The following RAD51B variants were observed in gnomAD, a reference collection of about 807,000 sequenced individuals.
RAD51B encodes the protein RAD51 paralog B.
RAD51B carries 38 observed loss-of-function variants against 42.2 expected under a neutral mutation model. That is an observed-to-expected ratio of 0.90 (90% CI 0.70 to 1.18). The LOEUF is 1.18. Among genes scored for constraint, RAD51B ranks in the 50% most tolerant of loss-of-function variants. RAD51B has a pLI of 0.00. For synonymous variants in RAD51B, 154 were observed against 145.2 expected (o/e 1.06, Z -0.43); for missense variants, 373 against 400.7 (o/e 0.93, Z 0.59).
chr14:67,922,888 C>T (rs777945947), intron 7 of RAD51B, among the ~76,000 whole-genome samples: 60 of 152,170 alleles, frequency 3.9e-4, no homozygotes, highest in Non-Finnish European at 7.4e-4. Context: ...GACGAGGTTT[C>T]GCCATGTTGG....
chr14:68,607,907 AAAG>A (rs1358772276), intron 10 of RAD51B, among the ~76,000 whole-genome samples: 2 of 152,214 alleles, frequency 1.3e-5, no homozygotes, highest in Non-Finnish European at 2.9e-5. Context: ...CCTCCAGAGG[AAAG>A]AAGAGCCAGG....
chr14:67,857,014 T>C (rs2042017755), intron 4 of RAD51B, among the ~76,000 whole-genome samples: 1 of 152,216 alleles, frequency 6.6e-6, no homozygotes, highest in African/African-American at 2.4e-5. Flanking sequence ...GCATGTTTTC[T>C]CTTTCTAACC....
chr14:68,323,114 G>A (rs899736698), intron 8 of RAD51B, among the ~76,000 whole-genome samples: 1 of 152,108 alleles, frequency 6.6e-6, no homozygotes, highest in African/African-American at 2.4e-5. Flanking sequence ...GAGAACACAG[G>A]GACAAAATAA....
intron 7 of RAD51B, among the ~76,000 whole-genome samples, chr14:68,011,966 G>A (rs1281013936): frequency 1.3e-5 from 2 of 152,062 alleles, no homozygotes; most frequent in East Asian, 1.9e-4. Context: ...CAATCACACT[G>A]GGCTGTCATG....
intron 7 of RAD51B, among the ~76,000 whole-genome samples, chr14:68,180,347 AGTTGTGGTTTGG>A (rs1251402752): frequency 6.6e-6 from 1 of 152,122 alleles, no homozygotes; most frequent in Non-Finnish European, 1.5e-5. Context: ...TGTTCTAGCT[AGTTGTGGTTTGG>A]GAGTAGGAGG....
At chr14:68,044,417 A>G (rs762936196) in intron 7 of RAD51B, among the ~76,000 whole-genome samples, 3 of 152,106 alleles carry the variant, frequency 2.0e-5, no homozygotes, top group Non-Finnish European at 4.4e-5. Flanking sequence ...CTTGTTCCCC[A>G]TGTTCTTCAA....
chr14:68,426,163 G>T (rs535087583), intron 9 of RAD51B, among the ~76,000 whole-genome samples: 1 of 151,750 alleles, frequency 6.6e-6, no homozygotes, highest in Admixed American at 6.6e-5. Flanking sequence ...CCGCCTCCCA[G>T]GCTCAAGCAA....
intron 7 of RAD51B, among the ~76,000 whole-genome samples, chr14:68,152,695 T>A (rs1452978023): frequency 6.6e-6 from 1 of 151,150 alleles, no homozygotes; most frequent in Non-Finnish European, 1.5e-5. Flanking sequence ...ATTATTTCAT[T>A]ACCTAGGTAC....
At chr14:68,586,417 C>A (rs537765717) in intron 10 of RAD51B, among the ~76,000 whole-genome samples, 68 of 152,328 alleles carry the variant, frequency 4.5e-4, no homozygotes, top group African/African-American at 1.6e-3. Flanking sequence ...TTGTGCCGAT[C>A]GGTTCCAGAT....
chr14:68,232,692 TTGGTC>T (rs1468261957), intron 7 of RAD51B, among the ~76,000 whole-genome samples: 2 of 152,208 alleles, frequency 1.3e-5, no homozygotes, highest in Non-Finnish European at 2.9e-5. Flanking sequence ...AATCACCAGC[TTGGTC>T]TGGTCTGTCT....
intron 7 of RAD51B, among the ~76,000 whole-genome samples, chr14:68,044,006 G>T (rs563027490): frequency 1.3e-5 from 2 of 152,234 alleles, no homozygotes; most frequent in South Asian, 2.1e-4. Flanking sequence ...GCTAAATATG[G>T]TACCCAACAT....
intron 8 of RAD51B, among the ~76,000 whole-genome samples, chr14:68,356,733 G>A (rs1399871791): frequency 4.6e-5 from 7 of 151,950 alleles, no homozygotes; most frequent in Non-Finnish European, 8.8e-5. Flanking sequence ...TGTAATCCCA[G>A]CACTTTGGGA....
intron 8 of RAD51B, among the ~76,000 whole-genome samples, chr14:68,336,873 A>C (rs1401832336): frequency 1.3e-5 from 2 of 152,216 alleles, no homozygotes; most frequent in African/African-American, 4.8e-5. Context: ...TAACCAAATA[A>C]TGTAGTTCTT....
chr14:68,161,509 G>A (rs2078638316), intron 7 of RAD51B, among the ~76,000 whole-genome samples: 1 of 152,160 alleles, frequency 6.6e-6, no homozygotes, highest in South Asian at 2.1e-4. Context: ...TGGTTCATGT[G>A]TTCAACCCTG....
chr14:68,164,428 T>G (rs1472855759), intron 7 of RAD51B, among the ~76,000 whole-genome samples: 1 of 152,150 alleles, frequency 6.6e-6, no homozygotes, highest in East Asian at 1.9e-4. Context: ...TATACTTATT[T>G]TATACTACAT....
intron 10 of RAD51B, among the ~76,000 whole-genome samples, chr14:68,623,151 A>T (rs1220983294): frequency 3.3e-5 from 5 of 152,156 alleles, no homozygotes; most frequent in African/African-American, 9.7e-5. Context: ...GAGCAAATCC[A>T]GGGCTGTTTG....
intron 7 of RAD51B, among the ~76,000 whole-genome samples, chr14:68,171,547 C>G (rs1371968437): frequency 2.6e-5 from 4 of 152,148 alleles, no homozygotes; most frequent in Non-Finnish European, 5.9e-5. Context: ...GTGATCCACC[C>G]ACCTCGGCCT....
chr14:67,918,955 G>A (rs2044240067), intron 7 of RAD51B, among the ~76,000 whole-genome samples: 1 of 152,296 alleles, frequency 6.6e-6, no homozygotes, highest in Non-Finnish European at 1.5e-5. Context: ...CTAGGAAAAT[G>A]GGGAATGTAA....
intron 7 of RAD51B, among the ~76,000 whole-genome samples, chr14:67,965,865 G>A (rs547954221): frequency 2.6e-5 from 4 of 152,092 alleles, no homozygotes; most frequent in Non-Finnish European, 4.4e-5. Flanking sequence ...TAAACCACGT[G>A]CATAGACCAA....
Sources: gnomAD v4.1 joint callset for allele counts (sites outside exome capture counted in the v4.1 genomes callset) on GRCh38, gnomAD v4.1.1 for gene constraint, MANE v1.5 for transcripts, NCBI Gene and HGNC (gene_info 2026-07-23, HGNC 2026-07-21) for gene names.